TTC7A: variants seen among roughly 807,000 people sequenced by gnomAD.
The protein encoded by TTC7A is tetratricopeptide repeat domain 7A, also known as tetratricopeptide repeat protein 7A.
TTC7A carries 110 observed loss-of-function variants against 103.7 expected under a neutral mutation model. The observed-to-expected ratio is 1.06, with a 90% CI of 0.91 to 1.24. The LOEUF (loss-of-function observed/expected upper bound fraction) is 1.24. Among genes scored for constraint, TTC7A ranks in the 50% most tolerant of loss-of-function variants. The pLI, the probability that TTC7A is intolerant of heterozygous loss-of-function variation, is 0.00. For missense variants in TTC7A, 1,340 were observed against 1,116.3 expected (o/e 1.20, Z -2.86); for synonymous variants, 521 against 467.9 (o/e 1.11, Z -1.47).
At chr2:46,979,132 T>G (rs1470515526) in intron 5 of TTC7A, among the ~76,000 whole-genome samples, 2 of 152,038 alleles carry the variant, frequency 1.3e-5, no homozygotes, top group Non-Finnish European at 2.9e-5. Flanking sequence ...ATAAAGCCTG[T>G]GTGTGCTTGG....
intron 19 of TTC7A, among the ~76,000 whole-genome samples, chr2:47,061,927 T>C (rs1234174908): frequency 6.6e-6 from 1 of 152,166 alleles, no homozygotes; most frequent in East Asian, 1.9e-4. Context: ...CCTCTTAGGG[T>C]CTGGGTTCCA....
At chr2:47,073,546 G>T (rs1396032308) in intron 19 of TTC7A, among the ~76,000 whole-genome samples, 156 bp from the exon 20 acceptor site, 1 of 152,206 alleles carries the variant, frequency 6.6e-6, no homozygotes, top group Non-Finnish European at 1.5e-5. Context: ...TTTGTATGGG[G>T]AAAGGCACAG....
chr2:47,045,156 TGCCGTCTG>T (rs1682180933), intron 15 of TTC7A, among the ~76,000 whole-genome samples: 1 of 152,226 alleles, frequency 6.6e-6, no homozygotes, highest in African/African-American at 2.4e-5. Flanking sequence ...CGGGAGGTGC[TGCCGTCTG>T]GCCCTCGGTG....
chr2:46,927,754 G>C (rs2103827226), intron 2 of TTC7A, among the ~76,000 whole-genome samples: 1 of 151,852 alleles, frequency 6.6e-6, no homozygotes, highest in Middle Eastern at 3.4e-3. Flanking sequence ...AAGTGCAAAA[G>C]AAAACTGCTC....
Position 46,941,770 on chromosome 2 carries a change from A to G in TTC7A, c.184+45A>G, listed in dbSNP as rs367805002. On this transcript the variant is annotated intron_variant, in intron 1 of 19. Transcript: ENST00000319190. This position sits in a 1 kb window ranked among gnomAD's most constrained non-coding sequence, Gnocchi z 4.2. ...GGCTCGCCGGCAGCGAGCGCGCGAA[A>G]CGCACCGCCTCCTCCAGGAAGCGCG... 5.2e-6 allele frequency: 8 copies of G among 1,545,864 alleles called. No individual in the cohort carries two copies. The highest frequency in any genetic ancestry group is 2.5e-5 in the East Asian group (1 of 40,810).
At chr2:47,058,025 A>C (rs1683457254) in intron 18 of TTC7A, among the ~76,000 whole-genome samples, 2 of 152,178 alleles carry the variant, frequency 1.3e-5, no homozygotes, top group African/African-American at 4.8e-5. Flanking sequence ...GCACTCAGTT[A>C]TGAGGGCAGC....
chr2:46,937,495 A>AT (rs1290490894), upstream of TTC7A, among the ~76,000 whole-genome samples: 2 of 152,256 alleles, frequency 1.3e-5, no homozygotes, highest in Non-Finnish European at 2.9e-5. This position sits in a 1 kb window ranked among gnomAD's most constrained non-coding sequence, Gnocchi z 4.0. Context: ...TTTTAGGAAC[A>AT]TATCATCCAG....
chr2:46,999,008 C>G (rs545991387), intron 8 of TTC7A, among the ~76,000 whole-genome samples: 3 of 152,206 alleles, frequency 2.0e-5, no homozygotes, highest in Non-Finnish European at 4.4e-5. Context: ...TAAAAATCCA[C>G]ATACTTATCA....
intron 15 of TTC7A, among the ~76,000 whole-genome samples, chr2:47,037,701 C>T (rs1681263464): frequency 6.6e-6 from 1 of 152,214 alleles, no homozygotes; most frequent in African/African-American, 2.4e-5. Context: ...GCTGCATTAG[C>T]TCTGTAATCC....
At chr2:46,942,154 C>G (rs1670483263) in intron 1 of TTC7A, among the ~76,000 whole-genome samples, 1 of 152,172 alleles carries the variant, frequency 6.6e-6, no homozygotes, top group Non-Finnish European at 1.5e-5. Context: ...CCGAAGCAGA[C>G]AGGGGCGAGG....
At chr2:46,932,837 G>C (rs935600111) in intron 2 of TTC7A, among the ~76,000 whole-genome samples, 4 of 148,562 alleles carry the variant, frequency 2.7e-5, no homozygotes, top group Admixed American at 1.4e-4. Context: ...GGAGGCAGAG[G>C]TTGCAGCAAG....
intron 19 of TTC7A, among the ~76,000 whole-genome samples, chr2:47,071,852 A>G (rs1466549276): frequency 6.6e-6 from 1 of 152,122 alleles, no homozygotes; most frequent in Non-Finnish European, 1.5e-5. Flanking sequence ...CATTTTTCAA[A>G]CAGAATCCCA....
chr2:46,947,894 T>C (rs918510976), intron 1 of TTC7A, among the ~76,000 whole-genome samples: 1 of 152,190 alleles, frequency 6.6e-6, no homozygotes, highest in African/African-American at 2.4e-5. Context: ...TCTGCACTCA[T>C]CTCCTTGGTA....
At chr2:47,042,586 C>G (rs938411767) in intron 15 of TTC7A, among the ~76,000 whole-genome samples, 1 of 152,118 alleles carries the variant, frequency 6.6e-6, no homozygotes. Flanking sequence ...ATAACCAACT[C>G]AAAATATAAA....
At chr2:47,006,809 G>T (rs1032705181) in intron 10 of TTC7A, 85 bp downstream of exon 10, 1 of 1,107,940 alleles carries the variant, frequency 9.0e-7, no homozygotes, top group Non-Finnish European at 1.4e-6. Flanking sequence ...CTGGCCAGGG[G>T]AGTGGGTGGG....
chr2:46,999,733 C>G, intron 8 of TTC7A: 7 of 985,432 alleles, frequency 7.1e-6, no homozygotes, highest in Non-Finnish European at 8.4e-6. Context: ...CTAGGAGATA[C>G]AGGAATCTTT....
chr2:47,057,027 G>GCCA (rs921199034), intron 18 of TTC7A, among the ~76,000 whole-genome samples: 9 of 152,222 alleles, frequency 5.9e-5, no homozygotes, highest in African/African-American at 2.2e-4. Context: ...GGTCCTGGCA[G>GCCA]CCACGGCCAG....
At chr2:46,965,855 G>A (rs1672788315) in intron 3 of TTC7A, among the ~76,000 whole-genome samples, 1 of 152,094 alleles carries the variant, frequency 6.6e-6, no homozygotes, top group African/African-American at 2.4e-5. Context: ...GAGCCACCAT[G>A]CCCCGCTTAG....
At chr2:47,023,712 G>A (rs902894978) in intron 13 of TTC7A, among the ~76,000 whole-genome samples, 3 of 152,140 alleles carry the variant, frequency 2.0e-5, no homozygotes, top group African/African-American at 4.8e-5. Context: ...GGGCTCAGGG[G>A]TCTAAAATGG....
Sources: gnomAD v4.1 joint callset for allele counts (sites outside exome capture counted in the v4.1 genomes callset) on GRCh38, gnomAD v4.1.1 for gene constraint, Gnocchi (gnomAD v3.1) non-coding constraint, MANE v1.5 for transcripts, NCBI Gene and HGNC (gene_info 2026-07-23, HGNC 2026-07-21) for gene names.